Variants in GNAQ observed in about 807,000 individuals in gnomAD.
GNAQ encodes the protein G protein subunit alpha q.
In GNAQ, 8 loss-of-function variants were observed where a neutral mutation model predicts 43.9. That is an observed-to-expected ratio of 0.18 (90% confidence interval 0.11 to 0.33). The LOEUF (loss-of-function observed/expected upper bound fraction) is 0.33. Ranked by LOEUF, GNAQ falls within the 10% of genes least tolerant of loss-of-function variation. The probability of loss-of-function intolerance (pLI) is 1.00; values close to 1 mark genes in which losing one functional copy is unlikely to be tolerated. For missense variants in GNAQ, 158 were observed against 450.8 expected (o/e 0.35, Z 5.88); for synonymous variants, 155 against 170.7 (o/e 0.91, Z 0.71).
At chr9:77,973,730 A>C (rs1823266616) in intron 1 of GNAQ, among the ~76,000 whole-genome samples, 1 of 152,106 alleles carries the variant, frequency 6.6e-6, no homozygotes, top group Non-Finnish European at 1.5e-5. Context: ...AGGCAGGAGA[A>C]TCGCTTGAAT....
intron 1 of GNAQ, among the ~76,000 whole-genome samples, chr9:78,029,470 A>T (rs1824022513): frequency 1.1e-5 from 1 of 92,992 alleles, no homozygotes; most frequent in East Asian, 4.5e-4. Flanking sequence ...ATGAGAATTA[A>T]AAAAAAAAAA....
intron 5 of GNAQ, among the ~76,000 whole-genome samples, chr9:77,765,162 A>T (rs1019132724): frequency 3.3e-5 from 5 of 150,358 alleles, no homozygotes; most frequent in Non-Finnish European, 5.9e-5. Flanking sequence ...GAACTTATTT[A>T]AAAAAAAAAT....
At chr9:78,016,092 A>G (rs975255647) in intron 1 of GNAQ, among the ~76,000 whole-genome samples, 5 of 152,218 alleles carry the variant, frequency 3.3e-5, no homozygotes, top group Non-Finnish European at 7.3e-5. Context: ...ATCACACCAC[A>G]TACAAAAATC....
intron 2 of GNAQ, among the ~76,000 whole-genome samples, chr9:77,846,967 C>G (rs78264593): frequency 0.016 from 2,414 of 152,230 alleles, 58 homozygotes; most frequent in African/African-American, 0.055. Flanking sequence ...GAACTCGCCA[C>G]CCCTCAGTAA....
chr9:77,894,888 C>A (rs1393085236), intron 2 of GNAQ, among the ~76,000 whole-genome samples: 1 of 151,516 alleles, frequency 6.6e-6, no homozygotes, highest in African/African-American at 2.4e-5. Context: ...AATAAAATAA[C>A]AATCAACTAA....
chr9:77,852,996 C>T (rs931218651), intron 2 of GNAQ, among the ~76,000 whole-genome samples: 2 of 152,064 alleles, frequency 1.3e-5, no homozygotes, highest in Non-Finnish European at 2.9e-5. Context: ...CAAGAACGTC[C>T]AGATGGAGAA....
At chr9:77,809,927 A>G (rs1388877888) in intron 3 of GNAQ, among the ~76,000 whole-genome samples, 1 of 152,232 alleles carries the variant, frequency 6.6e-6, no homozygotes, top group Non-Finnish European at 1.5e-5. Flanking sequence ...TCTGTAACTT[A>G]GAACATCTTT....
At chr9:77,955,689 A>G (rs1564162151) in intron 1 of GNAQ, among the ~76,000 whole-genome samples, 5 of 152,232 alleles carry the variant, frequency 3.3e-5, no homozygotes, top group Admixed American at 3.3e-4. Context: ...GAAATCACTT[A>G]GTAGATTAAT....
At chr9:77,919,614 G>A (rs926526152) in intron 2 of GNAQ, among the ~76,000 whole-genome samples, 4 of 152,014 alleles carry the variant, frequency 2.6e-5, no homozygotes, top group Non-Finnish European at 4.4e-5. Context: ...TGAAAATGAC[G>A]CTTTAGAACA....
intron 3 of GNAQ, among the ~76,000 whole-genome samples, chr9:77,811,539 G>T (rs946630958): frequency 1.3e-5 from 2 of 152,092 alleles, no homozygotes; most frequent in African/African-American, 4.8e-5. Context: ...TAACATATGG[G>T]ACCTACATCT....
intron 1 of GNAQ, among the ~76,000 whole-genome samples, chr9:77,927,687 AAC>A (rs1205680733): frequency 6.6e-6 from 1 of 152,162 alleles, no homozygotes; most frequent in Non-Finnish European, 1.5e-5. Context: ...GTTATGCCAA[AAC>A]AGTTACCAAA....
intron 1 of GNAQ, among the ~76,000 whole-genome samples, chr9:77,965,694 C>T (rs1176663188): frequency 6.6e-6 from 1 of 152,062 alleles, no homozygotes; most frequent in Non-Finnish European, 1.5e-5. Context: ...ACTGACTATA[C>T]CAAGTGCTAG....
At chr9:77,733,288 A>T (rs1412640488) in intron 5 of GNAQ, among the ~76,000 whole-genome samples, 1 of 152,170 alleles carries the variant, frequency 6.6e-6, no homozygotes, top group East Asian at 1.9e-4. Flanking sequence ...ATCTCAAATC[A>T]ATTCTCAAGA....
chr9:77,724,044 G>C (rs1825359972), intron 6 of GNAQ, among the ~76,000 whole-genome samples: 1 of 152,112 alleles, frequency 6.6e-6, no homozygotes, highest in African/African-American at 2.4e-5. Context: ...GGTACCGATA[G>C]ATATATTAAC....
intron 1 of GNAQ, among the ~76,000 whole-genome samples, chr9:78,019,502 T>C (rs755042926): frequency 2.6e-5 from 4 of 152,266 alleles, no homozygotes; most frequent in East Asian, 1.9e-4. Context: ...AATAAAAATA[T>C]AAAGGTTCAT....
At chr9:77,750,078 T>C (rs1019570783) in intron 5 of GNAQ, among the ~76,000 whole-genome samples, 2 of 151,644 alleles carry the variant, frequency 1.3e-5, no homozygotes, top group Non-Finnish European at 2.9e-5. Context: ...GATGTGCTGA[T>C]TGGCAAAGAA....
At chr9:78,025,805 G>T (rs1823972390) in intron 1 of GNAQ, among the ~76,000 whole-genome samples, 1 of 152,034 alleles carries the variant, frequency 6.6e-6, no homozygotes, top group Non-Finnish European at 1.5e-5. Context: ...TCCCCTTAAA[G>T]AAAAATTAAT....
Position 77,910,634 on chromosome 9 carries a change from AT to A in GNAQ, c.321+11526del, listed in dbSNP as rs61537040. 4.6e-3 allele frequency among the ~76,000 whole-genome samples: 664 copies of A among 145,096 alleles called. 5 individuals are homozygous for A. Among genetic ancestry groups the A allele is most frequent in the African/African-American group, 0.014 (557 of 39,822 alleles). On this transcript the variant is annotated intron_variant, in intron 2 of 6. Transcript: ENST00000286548. The stretch of plus-strand genomic sequence containing the variant: ...AATCAGTAATGTTCCTTAGAGTGCT[AT>A]TTTTTTTTTTTAATCAGCCATATCA...
intron 1 of GNAQ, among the ~76,000 whole-genome samples, chr9:77,951,535 T>C (rs1443500508): frequency 6.6e-6 from 1 of 152,236 alleles, no homozygotes; most frequent in Non-Finnish European, 1.5e-5. Flanking sequence ...CAAGACAAAT[T>C]AGTCAACTTT....
Sources: allele counts gnomAD v4.1 joint callset (sites outside exome capture counted in the v4.1 genomes callset), GRCh38; gene constraint gnomAD v4.1.1; transcripts MANE v1.5; gene names NCBI Gene and HGNC (gene_info 2026-07-23, HGNC 2026-07-21).